The following SCUBE3 variants were observed in gnomAD, a reference collection of about 807,000 sequenced individuals.
SCUBE3 encodes the protein signal peptide, CUB domain and EGF like domain containing 3.
Under a neutral mutation model 116.8 loss-of-function variants are expected in SCUBE3, and 33 were observed. The ratio of observed to expected loss-of-function variants is 0.28; its 90% CI spans 0.21 to 0.38. SCUBE3 has a LOEUF of 0.38. Ranked by LOEUF, SCUBE3 falls within the 10% of genes least tolerant of loss-of-function variation. The pLI is 1.00. For synonymous variants in SCUBE3, 418 were observed against 496.9 expected (o/e 0.84, Z 2.11); for missense variants, 1,007 against 1,324.8 (o/e 0.76, Z 3.72).
chr6:35,233,006 TG>T lies in SCUBE3; in HGVS notation c.595+35del. ...ATAATTGGGATGGCAGGTGGGGCAG[TG>T]GGGTCGGGGGTGAAAACATAGAGGA... On this transcript the variant is annotated intron_variant, in intron 5 of 21. Coordinates refer to ENST00000274938, the MANE Select transcript of SCUBE3 (RefSeq NM_152753.4). This position sits in a 1 kb window ranked among gnomAD's most constrained non-coding sequence, Gnocchi z 5.7. 6.2e-7 allele frequency: 1 copy of T among 1,611,572 alleles called. No homozygotes were observed. The highest frequency in any genetic ancestry group is 1.1e-5 in the South Asian group (1 of 90,894).
intron 2 of SCUBE3, among the ~76,000 whole-genome samples, chr6:35,227,976 G>C (rs1206782900): frequency 1.3e-5 from 2 of 152,198 alleles, no homozygotes; most frequent in Non-Finnish European, 2.9e-5. Flanking sequence ...ATAAGACTAA[G>C]ACCTGAGGTT....
Position 35,241,612 on chromosome 6 carries a change from A to C in SCUBE3, c.1265A>C (p.Lys422Thr). The C allele has an allele frequency of 6.2e-7, 1 of 1,614,204 alleles. No individual in the cohort carries two copies. Among genetic ancestry groups the C allele is most frequent in the Non-Finnish European group, 8.5e-7 (1 of 1,180,008 alleles). Reference sequence around the variant, plus strand: ...CTCAGCTGCAACCGGTCTGGCAAGAAGGACACCTGTGCCCTGACCTGTCCC... The same window carrying C: ...CTCAGCTGCAACCGGTCTGGCAAGACGGACACCTGTGCCCTGACCTGTCCC... ...AMLSCNRSGK[K>T]DTCALTCPSR... The change falls in exon 11 of 22, where the codon AAG (lysine) becomes ACG (threonine). Residue 422 changes from lysine to threonine, a missense_variant. Transcript: ENST00000274938. The surrounding 1 kb of genome is among the most constrained non-coding windows in gnomAD (Gnocchi z 4.1).
intron 1 of SCUBE3, among the ~76,000 whole-genome samples, chr6:35,218,750 A>C (rs1012569741): frequency 6.6e-6 from 1 of 152,046 alleles, no homozygotes; most frequent in African/African-American, 2.4e-5. Context: ...CTAAGAGGGG[A>C]CAGAGACTCC....
intron 12 of SCUBE3, 129 bp downstream of exon 12, chr6:35,242,039 C>A: frequency 1.2e-6 from 1 of 860,012 alleles, no homozygotes; most frequent in Non-Finnish European, 2.0e-6. Context: ...TTCTCCAACC[C>A]TGCTCCCTCA....
chr6:35,234,210 CTT>C (rs1240838426), intron 6 of SCUBE3, among the ~76,000 whole-genome samples: 1 of 152,150 alleles, frequency 6.6e-6, no homozygotes, highest in Non-Finnish European at 1.5e-5. Flanking sequence ...GAGGCTGTGT[CTT>C]TAGCCAGGCA....
At chr6:35,225,199 T>C (rs1783279293) in intron 1 of SCUBE3, among the ~76,000 whole-genome samples, 1 of 152,216 alleles carries the variant, frequency 6.6e-6, no homozygotes, top group Non-Finnish European at 1.5e-5. Context: ...TCCCATCAGC[T>C]ACTCACAGCC....
At chr6:35,237,836 C>T (rs1464613675) in intron 6 of SCUBE3, 66 bp from the exon 7 acceptor site, 11 of 977,864 alleles carry the variant, frequency 1.1e-5, no homozygotes, top group Non-Finnish European at 1.8e-5. Flanking sequence ...TCTCCACTAC[C>T]CTCAGAGTTT....
Position 35,240,049 on chromosome 6 carries a change from A to G in SCUBE3, c.952+175A>G, listed in dbSNP as rs140983563. On this transcript the variant is annotated intron_variant, in intron 8 of 21. Transcript: ENST00000274938. The surrounding 1 kb of genome is among the most constrained non-coding windows in gnomAD (Gnocchi z 4.6). ...TCTTTCCCCTCAGCGGACTAGCTCCATATCAAAGCATTCAGCCTGGCAAGG... is the reference window on the plus strand; with the variant it reads ...TCTTTCCCCTCAGCGGACTAGCTCCGTATCAAAGCATTCAGCCTGGCAAGG... Among the ~76,000 whole-genome samples, 2,637 of 152,334 alleles carry G rather than the reference A, an allele frequency of 0.017. 31 individuals are homozygous for G. The highest frequency in any genetic ancestry group is 0.028 in the Non-Finnish European group (1,891 of 68,034).
At position 35,241,917 on chromosome 6, in the gene SCUBE3, A is replaced by G. The variant is rs373952029; in HGVS notation, c.1417+7A>G. On this transcript the variant is annotated splice_region_variant and intron_variant, in intron 12 of 21. Coordinates refer to ENST00000274938, the MANE Select transcript of SCUBE3 (RefSeq NM_152753.4). The surrounding 1 kb of genome is among the most constrained non-coding windows in gnomAD (Gnocchi z 4.1). ...AACTCCAACCACTGCCATGGTAAGC[A>G]CCAGCCCAGAAGCCCTGTTCCCACC... 4 of 1,588,402 alleles carry G rather than the reference A, an allele frequency of 2.5e-6. No homozygotes were observed. The African/African-American group carries it at 5.4e-5, about 21-fold the overall frequency.
At position 35,245,603 on chromosome 6, in the gene SCUBE3, A is replaced by G. The variant is rs1410652532; in HGVS notation, c.2599+178A>G. On this transcript the variant is annotated intron_variant, in intron 19 of 21. Coordinates refer to ENST00000274938, the MANE Select transcript of SCUBE3 (RefSeq NM_152753.4). This position sits in a 1 kb window ranked among gnomAD's most constrained non-coding sequence, Gnocchi z 4.2. The stretch of plus-strand genomic sequence containing the variant: ...TAACAAAGGAAAACAGCAATGACAC[A>G]TGTTTGGTAGAAAACAGAGTTAAGA... Among the ~76,000 whole-genome samples the G allele has an allele frequency of 2.0e-5, 3 of 152,214 alleles. No individual in the cohort carries two copies. Among genetic ancestry groups the G allele is most frequent in the African/African-American group, 7.2e-5 (3 of 41,456 alleles).
At position 35,248,745 on chromosome 6, in the gene SCUBE3, ACTCCTTAGCC is replaced by A; in HGVS notation, c.*44_*53del. 1 of 1,589,482 alleles carries A rather than the reference ACTCCTTAGCC, an allele frequency of 6.3e-7. No individual in the cohort carries two copies. Among genetic ancestry groups the A allele is most frequent in the East Asian group, 2.3e-5 (1 of 44,402 alleles). ...GAGACCCAATTTTTTAAGCCCCCAG[ACTCCTTAGCC>A]CTCAGAGCCGGCAGCCCCCTACCCT... On this transcript the variant is annotated 3_prime_UTR_variant, in exon 22 of 22. Transcript: ENST00000274938.
At chr6:35,218,439 G>C (rs1783007784) in intron 1 of SCUBE3, among the ~76,000 whole-genome samples, 1 of 152,218 alleles carries the variant, frequency 6.6e-6, no homozygotes, top group Non-Finnish European at 1.5e-5. Flanking sequence ...AGAGCTTGCT[G>C]CCTGAACTCA....
Position 35,252,737 on chromosome 6 carries a change from C to T in SCUBE3, c.*4032C>T, listed in dbSNP as rs1421805724. On this transcript the variant is annotated 3_prime_UTR_variant, in exon 22 of 22. Coordinates refer to ENST00000274938, the MANE Select transcript of SCUBE3 (RefSeq NM_152753.4). Reference sequence around the variant, plus strand: ...ATATGATTAGAAGGAATAGAACCCCCAGTTGTCATCAGCTTTTTTAGACAC... The same window carrying T: ...ATATGATTAGAAGGAATAGAACCCCTAGTTGTCATCAGCTTTTTTAGACAC... 6.6e-6 allele frequency: 1 copy of T among 152,206 alleles called. No individual in the cohort carries two copies. The highest frequency in any genetic ancestry group is 1.5e-5 in the Non-Finnish European group (1 of 68,034). The allele number at this position is 152,206 out of a possible 1,614,324, so 9.4% of individuals were successfully genotyped here.
intron 1 of SCUBE3, among the ~76,000 whole-genome samples, chr6:35,217,287 G>C (rs945207839): frequency 2.9e-5 from 3 of 105,152 alleles, no homozygotes; most frequent in Non-Finnish European, 5.4e-5. Context: ...TGGTTAAAAA[G>C]ACCTAATCCT....
intron 12 of SCUBE3, 127 bp downstream of exon 12, chr6:35,242,037 C>T (rs960505966): frequency 3.2e-5 from 28 of 863,732 alleles, no homozygotes; most frequent in Non-Finnish European, 5.3e-5. Context: ...AATTCTCCAA[C>T]CCTGCTCCCT....
At chr6:35,224,426 G>C (rs1187676864) in intron 1 of SCUBE3, 1 of 151,982 alleles carries the variant, frequency 6.6e-6, no homozygotes, top group Non-Finnish European at 1.5e-5. Context: ...TCAGGAGTTC[G>C]AGACCAGCCT....
At chr6:35,226,936 G>A (rs962283902) in intron 1 of SCUBE3, among the ~76,000 whole-genome samples, 1 of 152,196 alleles carries the variant, frequency 6.6e-6, no homozygotes, top group Non-Finnish European at 1.5e-5. Flanking sequence ...GCACTTATTA[G>A]GCTTCAGGTA....
intron 6 of SCUBE3, among the ~76,000 whole-genome samples, chr6:35,236,456 T>C (rs1216172383): frequency 6.6e-6 from 1 of 152,220 alleles, no homozygotes; most frequent in East Asian, 1.9e-4. Flanking sequence ...AAGCACTCTT[T>C]AGCGGGTGGC....
At chr6:35,246,334 A>G (rs779112911) in intron 21 of SCUBE3, 49 bp downstream of exon 21, 4 of 1,340,126 alleles carry the variant, frequency 3.0e-6, no homozygotes, top group Non-Finnish European at 4.3e-6. Context: ...TAAGCATGTA[A>G]CAATATATAG....
Sources: gnomAD v4.1 joint callset for allele counts (sites outside exome capture counted in the v4.1 genomes callset) on GRCh38, gnomAD v4.1.1 for gene constraint, Gnocchi (gnomAD v3.1) non-coding constraint, MANE v1.5 for transcripts, NCBI Gene and HGNC (gene_info 2026-07-23, HGNC 2026-07-21) for gene names.